SPAG17: variants seen among roughly 807,000 people sequenced by gnomAD.
SPAG17 encodes the protein sperm associated antigen 17, also known as sperm-associated antigen 17.
SPAG17 carries 169 observed loss-of-function variants against 273.6 expected under a neutral mutation model. That is an observed-to-expected ratio of 0.62 (90% confidence interval 0.55 to 0.70). The LOEUF (loss-of-function observed/expected upper bound fraction) is 0.70. SPAG17 is among the 30% of genes least tolerant of loss of function. The pLI, the probability that SPAG17 is intolerant of heterozygous loss-of-function variation, is 0.00. For synonymous variants in SPAG17, 825 were observed against 873.2 expected (o/e 0.94, Z 0.97); for missense variants, 2,557 against 2,627.8 (o/e 0.97, Z 0.59).
chr1:118,070,610 G>A (rs1653477176), intron 17 of SPAG17, among the ~76,000 whole-genome samples: 1 of 152,082 alleles, frequency 6.6e-6, no homozygotes, highest in Non-Finnish European at 1.5e-5. Flanking sequence ...TATAAAGTGA[G>A]CCACAAATGT....
intron 1 of SPAG17, among the ~76,000 whole-genome samples, chr1:118,153,403 G>T (rs1659493300): frequency 6.6e-6 from 1 of 152,208 alleles, no homozygotes; most frequent in Non-Finnish European, 1.5e-5. Context: ...TTACAACTTT[G>T]TGATCATTTC....
intron 40 of SPAG17, 119 bp from the exon 41 acceptor site, chr1:117,984,901 C>T (rs1656236683): frequency 1.5e-6 from 1 of 645,654 alleles, no homozygotes; most frequent in African/African-American, 1.9e-5. Flanking sequence ...ATAAAACTGA[C>T]AAGAATTAAT....
At chr1:117,998,440 C>T (rs865988554) in intron 32 of SPAG17, among the ~76,000 whole-genome samples, 2 of 152,036 alleles carry the variant, frequency 1.3e-5, no homozygotes, top group African/African-American at 4.8e-5. Context: ...TGGTATCATG[C>T]TATTTTGGTT....
intron 7 of SPAG17, among the ~76,000 whole-genome samples, chr1:118,097,306 T>A (rs913749259): frequency 6.6e-6 from 1 of 152,180 alleles, no homozygotes; most frequent in Non-Finnish European, 1.5e-5. Flanking sequence ...GTCAGACATG[T>A]AATTTAACAA....
intron 25 of SPAG17, 148 bp downstream of exon 25, chr1:118,031,544 T>C (rs1204761003): frequency 9.7e-6 from 8 of 822,976 alleles, no homozygotes; most frequent in Non-Finnish European, 1.3e-5. Flanking sequence ...TTCTTGTCTA[T>C]TCAAAGTTGA....
chr1:118,065,927 AG>A (rs1652914686), intron 18 of SPAG17, among the ~76,000 whole-genome samples: 1 of 152,186 alleles, frequency 6.6e-6, no homozygotes, highest in Admixed American at 6.5e-5. Flanking sequence ...ATCCTAGCCA[AG>A]ACATAAGGCA....
rs1039721465 is a variant in SPAG17 at position 118,010,847 on chromosome 1, C to G, written c.4432+1381G>C. Among the ~76,000 whole-genome samples the G allele has an allele frequency of 2.6e-5, 4 of 151,982 alleles. No homozygotes were observed. In the East Asian group the frequency reaches 7.7e-4, roughly 29 times the overall value. ...AAGGTTCATACATGCTAACATCCAG[C>G]ATCCGTAAGGAATTTAAACAAATTA... On this transcript the variant is annotated intron_variant, in intron 30 of 48. Transcript: ENST00000336338.
chr1:117,977,700 T>C (rs1007710195), intron 43 of SPAG17, among the ~76,000 whole-genome samples: 3 of 152,216 alleles, frequency 2.0e-5, no homozygotes, highest in African/African-American at 7.2e-5. Context: ...TTATCTCAAG[T>C]ACCTCGGTAT....
chr1:118,050,369 C>T (rs1435383236), intron 20 of SPAG17, among the ~76,000 whole-genome samples: 1 of 152,102 alleles, frequency 6.6e-6, no homozygotes, highest in Non-Finnish European at 1.5e-5. Flanking sequence ...TAAAACTTAC[C>T]TCAGACTCTC....
At position 118,039,247 on chromosome 1, in the gene SPAG17, C is replaced by G. The variant is rs1649443385; in HGVS notation, c.3319+45G>C. ...TTTAATGGAGTGGAGTGGACAGAGACAGGAGTATTAGTCAGAAGAAAGAAA... is the reference window on the plus strand; with the variant it reads ...TTTAATGGAGTGGAGTGGACAGAGAGAGGAGTATTAGTCAGAAGAAAGAAA... On this transcript the variant is annotated intron_variant, in intron 23 of 48. Coordinates refer to ENST00000336338, the MANE Select transcript of SPAG17 (RefSeq NM_206996.4). The G allele has an allele frequency of 2.5e-6, 4 of 1,587,486 alleles. No individual in the cohort carries two copies. In the East Asian group the frequency reaches 8.9e-5, roughly 36 times the overall value.
At chr1:117,957,204 C>T in intron 48 of SPAG17, 1 of 1,607,786 alleles carries the variant, frequency 6.2e-7, no homozygotes, top group Non-Finnish European at 8.5e-7. Flanking sequence ...TAGGTAACAT[C>T]CTTTTCCAAA....
chr1:117,984,969 C>T (rs1656248751), intron 40 of SPAG17, among the ~76,000 whole-genome samples, 187 bp from the exon 41 acceptor site: 1 of 152,168 alleles, frequency 6.6e-6, no homozygotes, highest in Non-Finnish European at 1.5e-5. Flanking sequence ...TAGAATCACT[C>T]ACATTTCCTA....
chr1:118,037,900 G>T (rs1024432588), intron 23 of SPAG17, among the ~76,000 whole-genome samples: 2 of 152,104 alleles, frequency 1.3e-5, no homozygotes, highest in Admixed American at 1.3e-4. Context: ...GGGCAATATT[G>T]ATTTAAAATA....
chr1:118,091,505 A>G, intron 10 of SPAG17, 101 bp downstream of exon 10: 1 of 654,400 alleles, frequency 1.5e-6, no homozygotes, highest in South Asian at 1.9e-5. Flanking sequence ...GAATGCACTT[A>G]GGTATTATGA....
chr1:118,099,481 A>T, intron 6 of SPAG17, 125 bp downstream of exon 6: 2 of 1,021,994 alleles, frequency 2.0e-6, no homozygotes, highest in Non-Finnish European at 3.0e-6. Context: ...GGCAAATCAA[A>T]GTCTTGAAAA....
chr1:118,145,200 T>G (rs1277183154), intron 3 of SPAG17, among the ~76,000 whole-genome samples: 2 of 152,228 alleles, frequency 1.3e-5, no homozygotes, highest in East Asian at 3.8e-4. Flanking sequence ...AAGCATGAGT[T>G]TTCCATTTTT....
chr1:117,958,148 G>A (rs1292584046), intron 48 of SPAG17, among the ~76,000 whole-genome samples: 2 of 152,168 alleles, frequency 1.3e-5, no homozygotes, highest in South Asian at 2.1e-4. Flanking sequence ...ATGCCAAATA[G>A]TTAAACAGGT....
In SPAG17 at chr1:117,953,894, A is replaced by T; in HGVS notation, c.*156T>A. ...GGCACTCTATTCGCACGTCTTTATT[A>T]AACAGATTGAAGCTATTTCATTTGG... On this transcript the variant is annotated 3_prime_UTR_variant, in exon 49 of 49. Transcript: ENST00000336338. 1 of 863,616 alleles carries T rather than the reference A, an allele frequency of 1.2e-6. No individual in the cohort carries two copies. The highest frequency in any genetic ancestry group is 1.8e-6 in the Non-Finnish European group (1 of 547,282). 53.5% of individuals were successfully genotyped at this position (863,616 alleles called of 1,614,324 possible).
chr1:118,024,343 C>T (rs1184659041), intron 27 of SPAG17, among the ~76,000 whole-genome samples: 2 of 152,000 alleles, frequency 1.3e-5, no homozygotes, highest in Non-Finnish European at 2.9e-5. Flanking sequence ...TTTCTAATTT[C>T]TAAGAACTCT....
Sources: allele counts gnomAD v4.1 joint callset (sites outside exome capture counted in the v4.1 genomes callset), GRCh38; gene constraint gnomAD v4.1.1; transcripts MANE v1.5; gene names NCBI Gene and HGNC (gene_info 2026-07-23, HGNC 2026-07-21).